SBNO2: variants seen among roughly 807,000 people sequenced by gnomAD.
SBNO2 encodes strawberry notch homolog 2, also known as protein strawberry notch homolog 2.
Under a neutral mutation model 146.3 loss-of-function variants are expected in SBNO2, and 89 were observed. The ratio of observed to expected loss-of-function variants is 0.61; its 90% CI spans 0.51 to 0.73. The LOEUF (loss-of-function observed/expected upper bound fraction) is 0.73. SBNO2 is among the 30% of genes least tolerant of loss of function. The probability of loss-of-function intolerance (pLI) is 0.00; values close to 1 mark genes in which losing one functional copy is unlikely to be tolerated. For missense variants in SBNO2, 2,092 were observed against 2,003.7 expected (o/e 1.04, Z -0.84); for synonymous variants, 1,147 against 892.6 (o/e 1.29, Z -5.08).
intron 4 of SBNO2, among the ~76,000 whole-genome samples, chr19:1,143,629 C>T (rs2080160183): frequency 6.6e-6 from 1 of 152,178 alleles, no homozygotes; most frequent in South Asian, 2.1e-4. Context: ...CCAGAGGCAC[C>T]CGCATCCCTT....
chr19:1,131,849 A>C (rs552375163), intron 4 of SBNO2, among the ~76,000 whole-genome samples: 2 of 152,082 alleles, frequency 1.3e-5, no homozygotes, highest in African/African-American at 4.8e-5. Flanking sequence ...CAGCCTACGC[A>C]CAGGGCGCCG....
chr19:1,122,090 C>A lies in SBNO2; in HGVS notation c.1149+49G>T, dbSNP rs1041657501. On this transcript the variant is annotated intron_variant, in intron 11 of 31. Coordinates refer to ENST00000361757, the MANE Select transcript of SBNO2 (RefSeq NM_014963.3). ...CCACTCCTCCATCCTCCTTTTCCCT[C>A]CGACCCCCTAATCCAGCCCTCCCCT... 20 of 1,271,920 alleles carry A rather than the reference C, an allele frequency of 1.6e-5. No individual in the cohort carries two copies. In the African/African-American group the frequency reaches 3.1e-4, roughly 20 times the overall value. The allele number at this position is 1,271,920 out of a possible 1,614,324, so 78.8% of individuals were successfully genotyped here.
intron 4 of SBNO2, among the ~76,000 whole-genome samples, chr19:1,145,317 A>AG (rs2080179416): frequency 6.6e-6 from 1 of 151,564 alleles, no homozygotes; most frequent in East Asian, 1.9e-4. Flanking sequence ...AAAAAAAAAA[A>AG]AAAAAATTAG....
intron 1 of SBNO2, among the ~76,000 whole-genome samples, chr19:1,160,654 G>A (rs2080334956): frequency 6.6e-6 from 1 of 152,100 alleles, no homozygotes; most frequent in Admixed American, 6.6e-5. Flanking sequence ...CTCAGCTTCT[G>A]GAGTAACTGG....
intron 4 of SBNO2, among the ~76,000 whole-genome samples, chr19:1,142,944 G>A (rs564364006): frequency 6.6e-6 from 1 of 152,048 alleles, no homozygotes; most frequent in Admixed American, 6.6e-5. Context: ...TCCAGCCTGG[G>A]CAAGAGTAAG....
At position 1,150,151 on chromosome 19, in the gene SBNO2, C is replaced by A. The variant is rs530648403; in HGVS notation, c.94-709G>T. On this transcript the variant is annotated intron_variant, in intron 2 of 31. Transcript: ENST00000361757. This position sits in a 1 kb window ranked among gnomAD's most constrained non-coding sequence, Gnocchi z 6.2. ...GACTCCAGGCCAGGCTTACCCAACA[C>A]CCTCGCCAGGAGCCGATGTCCCCAC... Among the ~76,000 whole-genome samples the A allele has an allele frequency of 3.0e-4, 45 of 152,260 alleles. No homozygotes were observed. The highest frequency in any genetic ancestry group is 1.1e-3 in the African/African-American group (45 of 41,542).
chr19:1,123,873 T>C (rs1265351581), intron 6 of SBNO2, 69 bp downstream of exon 6: 5 of 1,480,294 alleles, frequency 3.4e-6, no homozygotes, highest in East Asian at 2.4e-5. Context: ...TGGAGATGCC[T>C]GTGCTGAGCC....
intron 3 of SBNO2, among the ~76,000 whole-genome samples, chr19:1,148,541 G>A (rs2080216117): frequency 1.4e-4 from 1 of 7,138 alleles, no homozygotes; most frequent in Non-Finnish European, 2.5e-4. Flanking sequence ...AAAACCTCCC[G>A]CCCCTTCCCA....
At chr19:1,132,244 G>A in intron 4 of SBNO2, 1 of 1,301,676 alleles carries the variant, frequency 7.7e-7, no homozygotes, top group Non-Finnish European at 9.8e-7. Context: ...GCGGACGGGG[G>A]CGGCTCTCCG....
intron 11 of SBNO2, among the ~76,000 whole-genome samples, chr19:1,121,073 G>C (rs948860347): frequency 3.3e-5 from 5 of 152,036 alleles, no homozygotes; most frequent in African/African-American, 1.2e-4. Context: ...TGTATTTTTA[G>C]TACAGACGTG....
intron 1 of SBNO2, among the ~76,000 whole-genome samples, chr19:1,172,673 G>A (rs1188747355): frequency 6.6e-6 from 1 of 152,096 alleles, no homozygotes; most frequent in Non-Finnish European, 1.5e-5. Context: ...CGTGTAATCG[G>A]GCTGGCTGCC....
chr19:1,135,385 G>A (rs2080076051), intron 4 of SBNO2, among the ~76,000 whole-genome samples: 1 of 152,210 alleles, frequency 6.6e-6, no homozygotes, highest in African/African-American at 2.4e-5. Context: ...GGATTTTGTG[G>A]TATGTGAATT....
intron 1 of SBNO2, among the ~76,000 whole-genome samples, chr19:1,172,938 A>T (rs2080494951): frequency 6.6e-6 from 1 of 151,546 alleles, no homozygotes; most frequent in Middle Eastern, 3.5e-3. Context: ...CGGGAACAAC[A>T]GGCATTCCGG....
Position 1,109,787 on chromosome 19 carries a change from CG to C in SBNO2, c.3029-11del. On this transcript the variant is annotated splice_polypyrimidine_tract_variant and intron_variant, in intron 26 of 31. Transcript: ENST00000361757. The surrounding 1 kb of genome is among the most constrained non-coding windows in gnomAD (Gnocchi z 4.2). ...ATACCGGGAGCAAGGTCTAGGGGGG[CG>C]GGTGGAGGGTAAGTGGTGTCCAGGC... 2 of 1,055,016 alleles carry C rather than the reference CG, an allele frequency of 1.9e-6. No individual in the cohort carries two copies. Among genetic ancestry groups the C allele is most frequent in the Non-Finnish European group, 2.6e-6 (2 of 757,896 alleles). 65.4% of individuals were successfully genotyped at this position (1,055,016 alleles called of 1,614,324 possible).
chr19:1,147,975 A>C (rs1229458958), intron 3 of SBNO2, among the ~76,000 whole-genome samples: 3 of 152,112 alleles, frequency 2.0e-5, no homozygotes, highest in Non-Finnish European at 4.4e-5. Context: ...TCTCCAGATG[A>C]TCCCAGGAGT....
At chr19:1,129,964 G>A (rs2080009878) in intron 4 of SBNO2, among the ~76,000 whole-genome samples, 1 of 152,120 alleles carries the variant, frequency 6.6e-6, no homozygotes, top group Non-Finnish European at 1.5e-5. Flanking sequence ...CCCGCCCAGG[G>A]TCCTCCACCC....
chr19:1,141,717 T>C (rs952619109), intron 4 of SBNO2, among the ~76,000 whole-genome samples: 2 of 152,058 alleles, frequency 1.3e-5, no homozygotes, highest in African/African-American at 4.8e-5. Context: ...ACTCAAGCGA[T>C]CCTCATGCCT....
At position 1,144,910 on chromosome 19, in the gene SBNO2, GGAGACAGAGACAGA is replaced by G. The variant is rs1212720218; in HGVS notation, c.279+2385_279+2398del. On this transcript the variant is annotated intron_variant, in intron 4 of 31. Coordinates refer to ENST00000361757, the MANE Select transcript of SBNO2 (RefSeq NM_014963.3). The surrounding 1 kb of genome is among the most constrained non-coding windows in gnomAD (Gnocchi z 4.1). ...GAGACAGAGAGACAGAGGCGGAGAT[GGAGACAGAGACAGA>G]GAGACAGAGACAGAGAGGGAGACAG... Among the ~76,000 whole-genome samples, 7 of 107,798 alleles carry G rather than the reference GGAGACAGAGACAGA, an allele frequency of 6.5e-5. No individual in the cohort carries two copies. The highest frequency in any genetic ancestry group is 2.9e-4 in the South Asian group (1 of 3,406). The allele number at this position is 107,798 out of a possible 152,430, so 70.7% of individuals were successfully genotyped here. A position where few individuals can be genotyped will look rare whatever the true frequency, so the allele number is the denominator to read the frequency against.
chr19:1,131,147 C>T (rs2080023716), intron 4 of SBNO2, among the ~76,000 whole-genome samples: 1 of 152,190 alleles, frequency 6.6e-6, no homozygotes, highest in African/African-American at 2.4e-5. Context: ...CCTGTGTGTC[C>T]CTCCACAGCC....
Sources: gnomAD v4.1 joint callset for allele counts (sites outside exome capture counted in the v4.1 genomes callset) on GRCh38, gnomAD v4.1.1 for gene constraint, Gnocchi (gnomAD v3.1) non-coding constraint, MANE v1.5 for transcripts, NCBI Gene and HGNC (gene_info 2026-07-23, HGNC 2026-07-21) for gene names.